The following EEF1E1 variants were observed in gnomAD, a reference collection of about 807,000 sequenced individuals.
EEF1E1 encodes eukaryotic translation elongation factor 1 epsilon 1, also known as eukaryotic translation elongation factor 1 epsilon-1.
In EEF1E1, 19 loss-of-function variants were observed where a neutral mutation model predicts 19.9. That is an observed-to-expected ratio of 0.95 (90% CI 0.66 to 1.40). The LOEUF is 1.40. Among genes scored for constraint, EEF1E1 ranks in the 40% most tolerant of loss-of-function variants. The pLI is 0.00. For synonymous variants in EEF1E1, 81 were observed against 80.0 expected, an observed-to-expected ratio of 1.01 and a Z score of -0.07; for missense variants, 198 against 202.2, an observed-to-expected ratio of 0.98 and a Z score of 0.13.
At chr6:8,089,841 G>A (rs1757967927) in intron 3 of EEF1E1, 1 of 265,444 alleles carries the variant, frequency 3.8e-6, no homozygotes, top group Non-Finnish European at 7.0e-6. Flanking sequence ...TGTGGCTGGA[G>A]AAGTCACTGC....
At chr6:8,101,631 C>T in intron 1 of EEF1E1, 1 of 698,804 alleles carries the variant, frequency 1.4e-6, no homozygotes, top group Non-Finnish European at 2.0e-6. Flanking sequence ...TGGAAAAAAT[C>T]TCAAAGGAGC....
chr6:8,092,755 ACATCTT>A (rs1402751159), intron 2 of EEF1E1, among the ~76,000 whole-genome samples: 2 of 152,188 alleles, frequency 1.3e-5, no homozygotes, highest in African/African-American at 2.4e-5. Context: ...TAAAATAAAT[ACATCTT>A]CATTTAATTT....
rs571491881 is a variant in EEF1E1 at position 8,092,920 on chromosome 6, G to A, written c.289-2639C>T. 1.1e-4 allele frequency among the ~76,000 whole-genome samples: 15 copies of A among 132,166 alleles called. No homozygotes were observed. The Admixed American group carries it at 1.2e-3, about 10-fold the overall frequency. 86.7% of individuals were successfully genotyped at this position (132,166 alleles called of 152,430 possible). The stretch of plus-strand genomic sequence containing the variant: ...GATGGAGTCTCACTCTGTTGCCCAG[G>A]CTGGAGTACAGTGGCGTGATCTGGG... On this transcript the variant is annotated intron_variant, in intron 2 of 3. Transcript: ENST00000379715.
rs373235174 is a variant in EEF1E1, at chr6:8,099,787, C to G, written c.88-2320G>C. Among the ~76,000 whole-genome samples the G allele has an allele frequency of 2.4e-4, 20 of 81,652 alleles. 1 individual carries two copies. Among genetic ancestry groups the G allele is most frequent in the African/African-American group, 9.6e-4 (20 of 20,914 alleles). The allele number at this position is 81,652 out of a possible 152,430, so 53.6% of individuals were successfully genotyped here. ...ACACACACACACACACACACACACA[C>G]ACACAAAAAAAAAACAGAACCCTCT... On this transcript the variant is annotated intron_variant, in intron 1 of 3. Transcript: ENST00000379715.
intron 2 of EEF1E1, among the ~76,000 whole-genome samples, chr6:8,094,872 T>C (rs1489336139): frequency 6.6e-6 from 1 of 152,208 alleles, no homozygotes; most frequent in East Asian, 1.9e-4. Flanking sequence ...TTATGAATAG[T>C]AAACGTATTC....
chr6:8,078,343 G>A (rs781432867), downstream of EEF1E1, among the ~76,000 whole-genome samples: 4 of 152,064 alleles, frequency 2.6e-5, no homozygotes, highest in Non-Finnish European at 5.9e-5. Flanking sequence ...GGTCAGTGGA[G>A]CAGTCAGAAC....
downstream of EEF1E1, among the ~76,000 whole-genome samples, chr6:8,077,800 G>C (rs1006189400): frequency 6.6e-6 from 1 of 152,026 alleles, no homozygotes; most frequent in African/African-American, 2.4e-5. Flanking sequence ...TTTATTTATT[G>C]ATTTATTTTG....
chr6:8,087,172 CAT>C (rs1355169365), intron 3 of EEF1E1, among the ~76,000 whole-genome samples: 3 of 152,134 alleles, frequency 2.0e-5, no homozygotes, highest in Non-Finnish European at 2.9e-5. Context: ...CTCTGGGGCA[CAT>C]GTTGTGGCTG....
downstream of EEF1E1, chr6:8,078,558 G>C: frequency 3.5e-6 from 3 of 858,874 alleles, no homozygotes; most frequent in Non-Finnish European, 4.4e-6. Flanking sequence ...GGTGCCAATA[G>C]TCTCGCTCGA....
chr6:8,086,728 T>C (rs1757864577), intron 3 of EEF1E1, among the ~76,000 whole-genome samples: 1 of 152,172 alleles, frequency 6.6e-6, no homozygotes, highest in South Asian at 2.1e-4. Flanking sequence ...TTCTTAGTGA[T>C]GAGGTACAGT....
intron 1 of EEF1E1, among the ~76,000 whole-genome samples, chr6:8,101,198 C>T (rs1359074127): frequency 1.7e-5 from 2 of 117,858 alleles, no homozygotes; most frequent in Non-Finnish European, 3.2e-5. Flanking sequence ...GGCACTACAG[C>T]CTGGGCGACA....
chr6:8,079,646 AAAC>A lies in EEF1E1; in HGVS notation c.*241_*243del. ...TATTGAAATAAATGTCATCTACTAA[AAAC>A]AAGGTTAATTTATAACTGGATCTCA... On this transcript the variant is annotated 3_prime_UTR_variant, in exon 4 of 4. Coordinates refer to ENST00000379715, the MANE Select transcript of EEF1E1 (RefSeq NM_004280.5). The A allele has an allele frequency of 8.6e-7, 1 of 1,168,384 alleles. No homozygotes were observed. Among genetic ancestry groups the A allele is most frequent in the Non-Finnish European group, 1.1e-6 (1 of 944,628 alleles). 72.4% of individuals were successfully genotyped at this position (1,168,384 alleles called of 1,614,324 possible).
At chr6:8,101,246 ATATAT>A (rs1561647159) in intron 1 of EEF1E1, among the ~76,000 whole-genome samples, 1,102 of 47,110 alleles carry the variant, frequency 0.023, 95 homozygotes, top group Non-Finnish European at 0.029. Flanking sequence ...AAAAAAAAAT[ATATAT>A]ATATATATAT....
At chr6:8,088,257 GA>G (rs1190276092) in intron 3 of EEF1E1, among the ~76,000 whole-genome samples, 1 of 151,664 alleles carries the variant, frequency 6.6e-6, no homozygotes, top group Non-Finnish European at 1.5e-5. Context: ...AAGATTGAAG[GA>G]AAAAAAAGGA....
intron 2 of EEF1E1, among the ~76,000 whole-genome samples, chr6:8,093,774 T>C (rs920793413): frequency 6.6e-6 from 1 of 151,844 alleles, no homozygotes; most frequent in Non-Finnish European, 1.5e-5. Context: ...AACGACACAT[T>C]AATAATTGTA....
intron 3 of EEF1E1, among the ~76,000 whole-genome samples, chr6:8,085,179 C>T (rs112884896): frequency 1.1e-4 from 17 of 152,260 alleles, no homozygotes; most frequent in African/African-American, 4.1e-4. Context: ...ACAGGTCTCA[C>T]TCTGTTGCCC....
At chr6:8,078,772 A>T (rs1339854667), downstream of EEF1E1, 2 of 1,279,456 alleles carry the variant, frequency 1.6e-6, no homozygotes, top group Middle Eastern at 2.2e-4. Context: ...AACCTTACTG[A>T]TTGCCAAGAG....
At position 8,089,894 on chromosome 6, in the gene EEF1E1, A is replaced by G. The variant is rs1757969175; in HGVS notation, c.384+292T>C. On this transcript the variant is annotated intron_variant, in intron 3 of 3. Coordinates refer to ENST00000379715, the MANE Select transcript of EEF1E1 (RefSeq NM_004280.5). The stretch of plus-strand genomic sequence containing the variant: ...ATAGGAAAAAAATCAAGGTCAAGGA[A>G]AAGGAAGCAACTGAAAGGAATTCCT... The G allele has an allele frequency of 1.2e-5, 4 of 345,852 alleles. No homozygotes were observed. The East Asian group carries it at 1.7e-4, about 14-fold the overall frequency. 21.4% of individuals were successfully genotyped at this position (345,852 alleles called of 1,614,324 possible).
intron 3 of EEF1E1, among the ~76,000 whole-genome samples, chr6:8,087,452 A>G (rs1221933048): frequency 6.6e-6 from 1 of 152,192 alleles, no homozygotes; most frequent in East Asian, 1.9e-4. Context: ...TCCTGACCTC[A>G]GGTGATCCAC....
Sources: gnomAD v4.1 joint callset for allele counts (sites outside exome capture counted in the v4.1 genomes callset) on GRCh38, gnomAD v4.1.1 for gene constraint, MANE v1.5 for transcripts, NCBI Gene and HGNC (gene_info 2026-07-23, HGNC 2026-07-21) for gene names.